The following RPTOR variants were observed in gnomAD, a reference collection of about 807,000 sequenced individuals.
RPTOR encodes regulatory-associated protein of mTOR.
A neutral mutation model predicts 169.9 loss-of-function variants in RPTOR; 21 were observed. The ratio of observed to expected loss-of-function variants is 0.12; its 90% CI spans 0.09 to 0.18. The LOEUF (loss-of-function observed/expected upper bound fraction) is 0.18. RPTOR is among the 10% of genes least tolerant of loss of function. The pLI, the probability that RPTOR is intolerant of heterozygous loss-of-function variation, is 1.00. For synonymous variants in RPTOR, 732 were observed against 753.2 expected, an observed-to-expected ratio of 0.97 and a Z score of 0.46; for missense variants, 1,133 against 1,855.9, an observed-to-expected ratio of 0.61 and a Z score of 7.16.
chr17:80,954,715 AAGACCAGCC>A (rs2069226836), intron 28 of RPTOR, among the ~76,000 whole-genome samples: 1 of 152,322 alleles, frequency 6.6e-6, no homozygotes, highest in African/African-American at 2.4e-5. Context: ...TCAATAGTTC[AAGACCAGCC>A]TGACCAACAT....
chr17:80,792,492 C>T (rs1407670803), intron 7 of RPTOR, among the ~76,000 whole-genome samples: 1 of 152,086 alleles, frequency 6.6e-6, no homozygotes, highest in African/African-American at 2.4e-5. Flanking sequence ...AACAGGAAGG[C>T]CGGGGAAGCG....
intron 4 of RPTOR, among the ~76,000 whole-genome samples, chr17:80,728,446 G>GGGGTGTGTGTGTGTGTGTGTGT (rs1555612016): frequency 3.4e-5 from 5 of 148,280 alleles, no homozygotes; most frequent in South Asian, 2.2e-4. Context: ...TCCACTCTGG[G>GGGGTGTGTGTGTGTGTGTGTGT]GTGTGTGTGT....
chr17:80,880,163 G>A (rs748275085), intron 13 of RPTOR, among the ~76,000 whole-genome samples: 12 of 152,174 alleles, frequency 7.9e-5, no homozygotes, highest in Admixed American at 1.3e-4. Context: ...GCAGGTGCCC[G>A]GACGTTGTGA....
chr17:80,732,110 C>T (rs943877217), intron 5 of RPTOR, among the ~76,000 whole-genome samples: 2 of 152,142 alleles, frequency 1.3e-5, no homozygotes, highest in African/African-American at 4.8e-5. Context: ...CATTAAGAAA[C>T]TCAAAGCATT....
intron 17 of RPTOR, among the ~76,000 whole-genome samples, chr17:80,886,706 C>T (rs923089835): frequency 1.3e-5 from 2 of 152,200 alleles, no homozygotes; most frequent in South Asian, 2.1e-4. Flanking sequence ...CCACCGGGAG[C>T]GGTCCGGCGT....
At chr17:80,787,935 C>T (rs1003147075) in intron 6 of RPTOR, among the ~76,000 whole-genome samples, 6 of 152,044 alleles carry the variant, frequency 3.9e-5, no homozygotes, top group Non-Finnish European at 5.9e-5. Context: ...CATTTTAGGA[C>T]GACTACAAAT....
In RPTOR at chr17:80,798,970, A is replaced by C. The variant is rs113018521; in HGVS notation, c.890+7461A>C. On this transcript the variant is annotated intron_variant, in intron 7 of 33. Coordinates refer to ENST00000306801, the MANE Select transcript of RPTOR (RefSeq NM_020761.3). ...GGGTTCCCTGAGTCACACCTACATT[A>C]AAACGTACACAGTCATCCATCACGT... Among the ~76,000 whole-genome samples the C allele has an allele frequency of 4.5e-3, 684 of 152,216 alleles. 8 individuals carry two copies. The highest frequency in any genetic ancestry group is 0.015 in the African/African-American group (633 of 41,518).
intron 17 of RPTOR, among the ~76,000 whole-genome samples, chr17:80,891,508 C>A (rs2068323180): frequency 6.6e-6 from 1 of 152,240 alleles, no homozygotes; most frequent in Non-Finnish European, 1.5e-5. Context: ...CTGGGCTTCC[C>A]CCGTGAGCCA....
chr17:80,763,697 G>A (rs1007345525), intron 6 of RPTOR, among the ~76,000 whole-genome samples: 2 of 152,198 alleles, frequency 1.3e-5, no homozygotes, highest in East Asian at 1.9e-4. Flanking sequence ...AATAAATCAT[G>A]CGCCCGACTA....
chr17:80,668,432 G>A (rs923517706), intron 3 of RPTOR, among the ~76,000 whole-genome samples: 1 of 152,160 alleles, frequency 6.6e-6, no homozygotes, highest in African/African-American at 2.4e-5. Context: ...ATAGGTGGCC[G>A]CAGGAGGTCT....
At chr17:80,786,380 G>A (rs1021786340) in intron 6 of RPTOR, among the ~76,000 whole-genome samples, 1 of 152,054 alleles carries the variant, frequency 6.6e-6, no homozygotes, top group Non-Finnish European at 1.5e-5. Context: ...TCTCAAAAAT[G>A]AAAACAGCAT....
At chr17:80,932,950 A>G (rs1293089324) in intron 24 of RPTOR, among the ~76,000 whole-genome samples, 1 of 152,240 alleles carries the variant, frequency 6.6e-6, no homozygotes, top group African/African-American at 2.4e-5. Context: ...AAGAATCACC[A>G]CAGACTTCTC....
At chr17:80,869,667 G>A (rs111886909) in intron 13 of RPTOR, among the ~76,000 whole-genome samples, 9,660 of 152,246 alleles carry the variant, frequency 0.063, 605 homozygotes, top group African/African-American at 0.16. Context: ...TCCAGACTGC[G>A]TGTCAGGAGG....
intron 3 of RPTOR, among the ~76,000 whole-genome samples, chr17:80,670,184 T>G (rs1399072960): frequency 1.3e-5 from 2 of 152,218 alleles, no homozygotes; most frequent in Non-Finnish European, 2.9e-5. Context: ...AGGTTTGACC[T>G]TAAGCCAGTT....
chr17:80,595,722 G>T (rs995958893), intron 1 of RPTOR, among the ~76,000 whole-genome samples: 4 of 152,236 alleles, frequency 2.6e-5, no homozygotes, highest in Non-Finnish European at 5.9e-5. Flanking sequence ...CTCCCAAAGT[G>T]TTGGGATTTT....
At chr17:80,634,687 CTG>C (rs751285267) in intron 2 of RPTOR, among the ~76,000 whole-genome samples, 1 of 79,444 alleles carries the variant, frequency 1.3e-5, no homozygotes, top group Non-Finnish European at 2.6e-5. Flanking sequence ...TGTGTGCGTA[CTG>C]TGTGCGTGTG....
chr17:80,823,268 C>T lies in RPTOR; in HGVS notation c.1136+45C>T, dbSNP rs376742363. On this transcript the variant is annotated intron_variant, in intron 9 of 33. Coordinates refer to ENST00000306801, the MANE Select transcript of RPTOR (RefSeq NM_020761.3). This position sits in a 1 kb window ranked among gnomAD's most constrained non-coding sequence, Gnocchi z 4.5. ...CCAGGTGCCGTGCTCCCCCGCCCTC[C>T]GTGGCACTGTGATGTCATGGAATTG... 1.9e-5 allele frequency: 31 copies of T among 1,601,870 alleles called. No individual in the cohort carries two copies. The African/African-American group carries it at 2.0e-4, about 10-fold the overall frequency.
chr17:80,945,747 C>G lies in RPTOR; in HGVS notation c.3106C>G (p.Pro1036Ala). ...PSVVKFHPFT[P>A]CIAVADKDSI... Reference sequence around the variant, plus strand: ...TGTGGTGAAATTCCACCCCTTCACGCCGTGCATCGCCGTAGCCGACAAGGA... The same window carrying G: ...TGTGGTGAAATTCCACCCCTTCACGGCGTGCATCGCCGTAGCCGACAAGGA... Residue 1036 changes from proline to alanine, a missense_variant, in exon 26 of 34, where the codon CCG (proline) becomes GCG (alanine). Pro to Ala is a conservative substitution (Grantham distance 27). Coordinates refer to ENST00000306801, the MANE Select transcript of RPTOR (RefSeq NM_020761.3). The G allele has an allele frequency of 6.2e-7, 1 of 1,611,816 alleles. No homozygotes were observed. The highest frequency in any genetic ancestry group is 8.5e-7 in the Non-Finnish European group (1 of 1,179,176).
At chr17:80,638,264 G>A (rs532606500) in intron 2 of RPTOR, among the ~76,000 whole-genome samples, 2 of 152,316 alleles carry the variant, frequency 1.3e-5, no homozygotes, top group East Asian at 3.9e-4. Context: ...CACCAGCTGG[G>A]CTCCCTTTGG....
Sources: gnomAD v4.1 joint callset for allele counts (sites outside exome capture counted in the v4.1 genomes callset) on GRCh38, gnomAD v4.1.1 for gene constraint, Gnocchi (gnomAD v3.1) non-coding constraint, MANE v1.5 for transcripts, NCBI Gene and HGNC (gene_info 2026-07-23, HGNC 2026-07-21) for gene names.